Variants in ZNF540 observed in about 807,000 individuals in gnomAD.
ZNF540 encodes the protein zinc finger protein 540.
In ZNF540, 3 loss-of-function variants were observed where a neutral mutation model predicts 11.8. That is an observed-to-expected ratio of 0.25 (90% CI 0.12 to 0.65). ZNF540 has a LOEUF of 0.65. Among genes scored for constraint, ZNF540 ranks in the 30% least tolerant of loss-of-function variants. ZNF540 has a pLI of 0.83. For missense variants in ZNF540, 709 were observed against 793.1 expected (o/e 0.89, Z 1.27); for synonymous variants, 247 against 259.0 (o/e 0.95, Z 0.45).
At chr19:37,562,268 G>C (rs1046878393) in intron 1 of ZNF540, 3 of 152,204 alleles carry the variant, frequency 2.0e-5, no homozygotes, top group Non-Finnish European at 4.4e-5. Context: ...TGTAATCCCA[G>C]CTACGTGGGA....
At chr19:37,551,979 C>G (rs1483500122) in intron 1 of ZNF540, among the ~76,000 whole-genome samples, 5 of 151,976 alleles carry the variant, frequency 3.3e-5, no homozygotes, top group African/African-American at 1.2e-4. Context: ...TTGATTTCAG[C>G]TCTAAGCTTA....
chr19:37,586,913 C>T (rs2043693330), intron 1 of ZNF540: 3 of 551,036 alleles, frequency 5.4e-6, no homozygotes, highest in South Asian at 4.9e-5. Context: ...GCAGACCTTT[C>T]CTTAATGTCC....
At chr19:37,609,226 A>G (rs1331188685) in intron 4 of ZNF540, among the ~76,000 whole-genome samples, 2 of 152,208 alleles carry the variant, frequency 1.3e-5, no homozygotes, top group African/African-American at 4.8e-5. Flanking sequence ...AACAGAAGAG[A>G]TATCATCTGA....
At chr19:37,599,504 C>A in intron 2 of ZNF540, 122 bp from the exon 3 acceptor site, 1 of 1,133,480 alleles carries the variant, frequency 8.8e-7, no homozygotes, top group Non-Finnish European at 1.2e-6. Context: ...CATAAGCTTT[C>A]AGCCCCAGCC....
At chr19:37,586,705 G>C in intron 1 of ZNF540, 1 of 1,613,920 alleles carries the variant, frequency 6.2e-7, no homozygotes, top group South Asian at 1.1e-5. Context: ...AATTTTCTGG[G>C]TTCTTCTCCT....
At chr19:37,557,384 G>A (rs2042670651) in intron 1 of ZNF540, among the ~76,000 whole-genome samples, 1 of 152,212 alleles carries the variant, frequency 6.6e-6, no homozygotes, top group African/African-American at 2.4e-5. Flanking sequence ...ATGGCTCCAT[G>A]TACATGCACC....
In ZNF540 at chr19:37,566,058, T is replaced by C. The variant is rs145626680; in HGVS notation, c.-73+14393T>C. 37 of 1,614,100 alleles carry C rather than the reference T, an allele frequency of 2.3e-5. No homozygotes were observed. In the African/African-American group the frequency reaches 3.1e-4, roughly 13 times the overall value. On this transcript the variant is annotated intron_variant, in intron 1 of 4. Transcript: ENST00000592533. ...ATTATCCGATGAAAAGTAGAAGAGG[T>C]TGAATGACTTTCAGTGGCCTTTTCT...
upstream of ZNF540, among the ~76,000 whole-genome samples, chr19:37,593,824 C>G (rs2043938630): frequency 6.6e-6 from 1 of 152,084 alleles, no homozygotes; most frequent in African/African-American, 2.4e-5. Context: ...ATCCCCGCAG[C>G]ATCATTTATG....
chr19:37,611,996 G>A lies in ZNF540; in HGVS notation c.716G>A (p.Gly239Asp). Residue 239 changes from glycine (G) to aspartate (D), a missense_variant, in exon 5 of 5, where the codon GGT becomes GAT. Transcript: ENST00000316433. Reference sequence around the variant, plus strand: ...ACTCTGCATCAGAGATTTCATACTGGTGAGAAACCCTATGAATGTCAAGAA... The same window carrying A: ...ACTCTGCATCAGAGATTTCATACTGATGAGAAACCCTATGAATGTCAAGAA... ...QLTLHQRFHT[G>D]EKPYECQECG... The A allele has an allele frequency of 1.2e-6, 2 of 1,613,654 alleles. No individual in the cohort carries two copies.
chr19:37,551,877 G>T (rs1256719946), intron 1 of ZNF540, among the ~76,000 whole-genome samples: 2 of 151,978 alleles, frequency 1.3e-5, no homozygotes, highest in Non-Finnish European at 2.9e-5. Flanking sequence ...TCGTGCGGTG[G>T]AGCGCCGTTT....
intron 1 of ZNF540, chr19:37,560,598 T>G (rs1043169877): frequency 2.0e-5 from 3 of 152,098 alleles, no homozygotes; most frequent in African/African-American, 7.2e-5. Flanking sequence ...CTTGAATTCC[T>G]GACCTCATGA....
intron 1 of ZNF540, among the ~76,000 whole-genome samples, chr19:37,582,785 C>A (rs1045371857): frequency 2.0e-5 from 3 of 152,200 alleles, no homozygotes; most frequent in Non-Finnish European, 4.4e-5. Context: ...ATCACCTCCA[C>A]ATATTAAACC....
chr19:37,589,864 C>CAAAAAAAAAAAAAAAAAAAAAA (rs60136941), upstream of ZNF540, among the ~76,000 whole-genome samples: 1 of 29,588 alleles, frequency 3.4e-5, no homozygotes, highest in Non-Finnish European at 5.5e-5. Context: ...GACTCCATCT[C>CAAAAAAAAAAAAAAAAAAAAAA]AAAAAAAAAA....
Position 37,605,970 on chromosome 19 carries a change from C to A in ZNF540, c.232+4865C>A, listed in dbSNP as rs188195620. 3.3e-5 allele frequency among the ~76,000 whole-genome samples: 5 copies of A among 152,166 alleles called. No homozygotes were observed. In the South Asian group the frequency reaches 8.3e-4, roughly 25 times the overall value. ...ATAAAATTTACTCACTGTAAGTGCACACTTGGTGACTTTTAGTCAATTTAT... is the reference window on the plus strand; with the variant it reads ...ATAAAATTTACTCACTGTAAGTGCAAACTTGGTGACTTTTAGTCAATTTAT... On this transcript the variant is annotated intron_variant, in intron 4 of 4. Transcript: ENST00000316433.
chr19:37,567,786 G>A (rs2042912395), intron 1 of ZNF540: 1 of 151,972 alleles, frequency 6.6e-6, no homozygotes, highest in African/African-American at 2.4e-5. Flanking sequence ...CCTAATTCTT[G>A]TTTGAATTTT....
upstream of ZNF540, among the ~76,000 whole-genome samples, chr19:37,593,851 G>A (rs1410305776): frequency 6.6e-6 from 1 of 152,168 alleles, no homozygotes; most frequent in African/African-American, 2.4e-5. Flanking sequence ...CTAAGGACCA[G>A]TCACTAGCAT....
intron 1 of ZNF540, among the ~76,000 whole-genome samples, chr19:37,573,888 T>G (rs189574460): frequency 6.1e-4 from 92 of 151,974 alleles, no homozygotes; most frequent in African/African-American, 2.2e-3. Context: ...GCTTAGCTGC[T>G]ATTACTACTT....
At chr19:37,604,347 G>A (rs1311360355) in intron 4 of ZNF540, among the ~76,000 whole-genome samples, 2 of 118,802 alleles carry the variant, frequency 1.7e-5, no homozygotes, top group East Asian at 2.8e-4. Flanking sequence ...TCGCTCTGTC[G>A]CCCAGGCTGG....
chr19:37,574,264 C>T (rs552282912), intron 1 of ZNF540, among the ~76,000 whole-genome samples: 12 of 152,272 alleles, frequency 7.9e-5, no homozygotes, highest in Non-Finnish European at 1.8e-4. Flanking sequence ...CCCTTTAAAT[C>T]ATGCTTATTG....
Sources: allele counts gnomAD v4.1 joint callset (sites outside exome capture counted in the v4.1 genomes callset), GRCh38; gene constraint gnomAD v4.1.1; transcripts MANE v1.5; gene names NCBI Gene and HGNC (gene_info 2026-07-23, HGNC 2026-07-21).